Variants in DENND1B observed in about 807,000 individuals in gnomAD.
DENND1B encodes the protein DENN domain-containing protein 1B.
A neutral mutation model predicts 90.1 loss-of-function variants in DENND1B; 59 were observed. The observed-to-expected ratio is 0.65, with a 90% CI of 0.53 to 0.81. The LOEUF is 0.81. DENND1B is among the 40% of genes least tolerant of loss of function. The pLI is 0.00. For missense variants in DENND1B, 862 were observed against 912.6 expected (o/e 0.94, Z 0.71); for synonymous variants, 337 against 324.6 (o/e 1.04, Z -0.41).
intron 4 of DENND1B, among the ~76,000 whole-genome samples, chr1:197,672,573 G>A (rs1386470717): frequency 5.9e-5 from 9 of 151,760 alleles, no homozygotes; most frequent in Non-Finnish European, 1.2e-4. Context: ...AAATCATGTC[G>A]CTTTAGAATC....
intron 10 of DENND1B, among the ~76,000 whole-genome samples, chr1:197,619,410 C>T (rs1677946245): frequency 1.3e-5 from 2 of 151,070 alleles, no homozygotes; most frequent in Admixed American, 1.3e-4. Context: ...CTTTCCACCC[C>T]CTTTTTAACC....
chr1:197,675,447 A>G (rs1039627988), intron 3 of DENND1B, among the ~76,000 whole-genome samples: 5 of 152,118 alleles, frequency 3.3e-5, no homozygotes, highest in African/African-American at 7.2e-5. Context: ...TGTAAAAAAA[A>G]AAATCATCTA....
chr1:197,568,179 A>G (rs1672850651), intron 15 of DENND1B, among the ~76,000 whole-genome samples: 1 of 152,164 alleles, frequency 6.6e-6, no homozygotes, highest in Non-Finnish European at 1.5e-5. Flanking sequence ...ATACACAATC[A>G]ACGTATTAAA....
At chr1:197,758,980 T>C (rs920274946) in intron 2 of DENND1B, among the ~76,000 whole-genome samples, 6 of 145,664 alleles carry the variant, frequency 4.1e-5, no homozygotes, top group African/African-American at 1.0e-4. Flanking sequence ...TTTTTTTTTT[T>C]TTTTTTTAAG....
At chr1:197,583,327 T>C (rs1558270198) in intron 14 of DENND1B, 74 bp from the exon 15 acceptor site, 2 of 1,371,718 alleles carry the variant, frequency 1.5e-6, no homozygotes, top group East Asian at 2.3e-5. Flanking sequence ...TAAATAGGTA[T>C]GTGAAGAGTG....
intron 3 of DENND1B, among the ~76,000 whole-genome samples, chr1:197,704,059 T>G (rs1659290394): frequency 1.3e-5 from 2 of 151,908 alleles, no homozygotes; most frequent in Admixed American, 1.3e-4. Flanking sequence ...GCCTGGGCAA[T>G]AGGGTGAGAC....
chr1:197,652,207 CA>C (rs1653297903), intron 7 of DENND1B, 27 bp downstream of exon 7: 1 of 1,593,406 alleles, frequency 6.3e-7, no homozygotes, highest in South Asian at 1.1e-5. Flanking sequence ...CTATGACTCC[CA>C]AAAACAATTA....
intron 3 of DENND1B, among the ~76,000 whole-genome samples, chr1:197,679,811 T>G (rs1257015716): frequency 5.0e-5 from 6 of 118,914 alleles, no homozygotes; most frequent in African/African-American, 9.6e-5. Context: ...AAGGGTTGTT[T>G]TTTTTTTTTT....
chr1:197,552,459 T>C, intron 16 of DENND1B: 1 of 985,334 alleles, frequency 1.0e-6, no homozygotes, highest in East Asian at 1.1e-4. Flanking sequence ...TATAACAGTA[T>C]TTGAACATTT....
At chr1:197,580,087 C>CTTTTTTTTTTTTTTTTTTT (rs139056668) in intron 15 of DENND1B, among the ~76,000 whole-genome samples, 20 of 76,760 alleles carry the variant, frequency 2.6e-4, no homozygotes, top group South Asian at 5.6e-4. Flanking sequence ...TTCTTTCTTT[C>CTTTTTTTTTTTTTTTTTTT]TTTTTTTTTT....
intron 20 of DENND1B, among the ~76,000 whole-genome samples, chr1:197,518,052 G>C (rs1332624957): frequency 6.6e-6 from 1 of 151,814 alleles, no homozygotes; most frequent in Non-Finnish European, 1.5e-5. Flanking sequence ...CCACCGTACA[G>C]TAGGCTTTTG....
intron 20 of DENND1B, among the ~76,000 whole-genome samples, chr1:197,515,975 C>T (rs1256270233): frequency 4.0e-5 from 6 of 151,710 alleles, no homozygotes; most frequent in Admixed American, 6.6e-5. Context: ...TTTTTTAAGT[C>T]CAACTTTTTT....
chr1:197,727,401 G>A (rs1661739581), intron 2 of DENND1B, among the ~76,000 whole-genome samples: 1 of 151,976 alleles, frequency 6.6e-6, no homozygotes, highest in Non-Finnish European at 1.5e-5. Flanking sequence ...CAGGCGTGGT[G>A]GCAGGCACCT....
At chr1:197,619,722 T>C (rs1270754405) in intron 10 of DENND1B, among the ~76,000 whole-genome samples, 1 of 151,246 alleles carries the variant, frequency 6.6e-6, no homozygotes, top group Non-Finnish European at 1.5e-5. Context: ...GCCTCCTTAC[T>C]GGTCATCCTT....
At chr1:197,672,748 T>G (rs1373990361) in intron 4 of DENND1B, among the ~76,000 whole-genome samples, 1 of 152,020 alleles carries the variant, frequency 6.6e-6, no homozygotes, top group African/African-American at 2.4e-5. Context: ...AGAATATAAT[T>G]TCTACCAAAA....
chr1:197,729,040 C>A (rs1460674307), intron 2 of DENND1B, among the ~76,000 whole-genome samples: 1 of 152,072 alleles, frequency 6.6e-6, no homozygotes, highest in African/African-American at 2.4e-5. Context: ...TGCTGCACCC[C>A]CTTCTGAAAT....
intron 20 of DENND1B, among the ~76,000 whole-genome samples, chr1:197,537,631 A>G (rs1670011023): frequency 6.6e-6 from 1 of 152,048 alleles, no homozygotes; most frequent in African/African-American, 2.4e-5. Flanking sequence ...TCATTTCGTT[A>G]TGTATATGTA....
intron 9 of DENND1B, among the ~76,000 whole-genome samples, chr1:197,643,855 T>C (rs1382707042): frequency 6.6e-6 from 1 of 152,240 alleles, no homozygotes; most frequent in Non-Finnish European, 1.5e-5. Flanking sequence ...TTTAATTTTC[T>C]ATAATGAAAC....
At chr1:197,767,984 T>C (rs1289494217) in intron 2 of DENND1B, among the ~76,000 whole-genome samples, 1 of 152,234 alleles carries the variant, frequency 6.6e-6, no homozygotes, top group Non-Finnish European at 1.5e-5. Flanking sequence ...TCATCATTTC[T>C]CTGTTCTTCA....
Sources: gnomAD v4.1 joint callset for allele counts (sites outside exome capture counted in the v4.1 genomes callset) on GRCh38, gnomAD v4.1.1 for gene constraint, MANE v1.5 for transcripts, NCBI Gene and HGNC (gene_info 2026-07-23, HGNC 2026-07-21) for gene names.